Variants in TANK observed in about 807,000 individuals in gnomAD.
TANK encodes TRAF family member-associated NF-kappa-B activator.
Under a neutral mutation model 43.6 loss-of-function variants are expected in TANK, and 15 were observed. The ratio of observed to expected loss-of-function variants is 0.34; its 90% confidence interval spans 0.23 to 0.53. The LOEUF (loss-of-function observed/expected upper bound fraction) is 0.53, where lower values mean the gene tolerates loss of function less well. Ranked by LOEUF, TANK falls within the 20% of genes least tolerant of loss-of-function variation. TANK has a pLI of 0.94. For missense variants in TANK, 417 were observed against 498.6 expected, an observed-to-expected ratio of 0.84 and a Z score of 1.56; for synonymous variants, 162 against 178.2, an observed-to-expected ratio of 0.91 and a Z score of 0.73.
intron 1 of TANK, among the ~76,000 whole-genome samples, chr2:161,169,901 G>A (rs1035185767): frequency 6.6e-6 from 1 of 152,122 alleles, no homozygotes; most frequent in African/African-American, 2.4e-5. Flanking sequence ...CTTCTGCAGA[G>A]GGAAGATTAA....
At chr2:161,153,356 A>G (rs1472606699) in intron 1 of TANK, among the ~76,000 whole-genome samples, 1 of 152,042 alleles carries the variant, frequency 6.6e-6, no homozygotes. Flanking sequence ...GAACTTTTAA[A>G]GACATTTTAA....
At chr2:161,212,322 T>C in intron 4 of TANK, 1 of 945,328 alleles carries the variant, frequency 1.1e-6, no homozygotes, top group Non-Finnish European at 1.3e-6. Flanking sequence ...CGGCCTCCCA[T>C]AGTGCTAGGA....
At chr2:161,221,935 C>T (rs919548511) in intron 4 of TANK, among the ~76,000 whole-genome samples, 1 of 152,082 alleles carries the variant, frequency 6.6e-6, no homozygotes, top group African/African-American at 2.4e-5. Flanking sequence ...TTAAGGAGTC[C>T]TCCTTTACCT....
At chr2:161,226,210 T>C (rs1200979917) in intron 6 of TANK, among the ~76,000 whole-genome samples, 1 of 152,178 alleles carries the variant, frequency 6.6e-6, no homozygotes, top group Non-Finnish European at 1.5e-5. Context: ...ATTTTTAAAT[T>C]GCACAGGTCT....
At chr2:161,212,413 T>G in intron 4 of TANK, 4 of 984,356 alleles carry the variant, frequency 4.1e-6, no homozygotes, top group Non-Finnish European at 4.8e-6. Context: ...ATTTTAATAA[T>G]TACATTGAAA....
chr2:161,195,625 G>T (rs1373252999), intron 2 of TANK, among the ~76,000 whole-genome samples: 1 of 152,046 alleles, frequency 6.6e-6, no homozygotes. Context: ...GCCATTTAAG[G>T]TTTTTTGGGG....
chr2:161,141,136 T>C (rs1683735258), intron 1 of TANK, among the ~76,000 whole-genome samples: 1 of 152,156 alleles, frequency 6.6e-6, no homozygotes, highest in South Asian at 2.1e-4. Flanking sequence ...CTGACAATGT[T>C]GTGTAAGCAC....
intron 1 of TANK, among the ~76,000 whole-genome samples, chr2:161,165,040 T>A (rs1684613108): frequency 1.5e-4 from 1 of 6,480 alleles, no homozygotes; most frequent in East Asian, 0.045. Flanking sequence ...ACACCAATAC[T>A]TTTTTTTTTT....
intron 4 of TANK, among the ~76,000 whole-genome samples, chr2:161,213,375 G>A (rs1431708592): frequency 6.6e-6 from 1 of 152,096 alleles, no homozygotes; most frequent in Non-Finnish European, 1.5e-5. Context: ...GGCCAAGGTG[G>A]GTGGATCACT....
intron 1 of TANK, among the ~76,000 whole-genome samples, chr2:161,154,682 T>C (rs1441214328): frequency 2.0e-5 from 3 of 152,178 alleles, no homozygotes; most frequent in Non-Finnish European, 4.4e-5. Context: ...GATATTTAAA[T>C]CTTTATTATG....
intron 2 of TANK, among the ~76,000 whole-genome samples, chr2:161,189,134 TC>T (rs1459358867): frequency 6.6e-6 from 1 of 152,152 alleles, no homozygotes; most frequent in African/African-American, 2.4e-5. Context: ...CAAAAAATCC[TC>T]AACAAAACAC....
intron 1 of TANK, among the ~76,000 whole-genome samples, chr2:161,140,392 A>T (rs1161064702): frequency 1.3e-5 from 2 of 152,104 alleles, no homozygotes; most frequent in African/African-American, 2.4e-5. Flanking sequence ...ATTGGCATAC[A>T]TGGTATTCCC....
chr2:161,218,516 T>C (rs557236483), intron 4 of TANK, among the ~76,000 whole-genome samples: 68 of 152,250 alleles, frequency 4.5e-4, no homozygotes, highest in African/African-American at 1.3e-3. Flanking sequence ...AAAATCATAA[T>C]TAAATACGTA....
intron 4 of TANK, chr2:161,212,058 A>T: frequency 1.2e-6 from 1 of 815,038 alleles, no homozygotes; most frequent in South Asian, 5.7e-5. Flanking sequence ...GTCATAATAC[A>T]TAAACTTTTT....
chr2:161,185,541 CAGAG>C (rs1416813118), intron 2 of TANK, among the ~76,000 whole-genome samples: 1 of 149,614 alleles, frequency 6.7e-6, no homozygotes, highest in Non-Finnish European at 1.5e-5. Context: ...TATAACATAG[CAGAG>C]AGAGAGGAGA....
intron 1 of TANK, among the ~76,000 whole-genome samples, chr2:161,154,737 T>A (rs1046407885): frequency 1.3e-5 from 2 of 152,068 alleles, no homozygotes; most frequent in African/African-American, 4.8e-5. Context: ...ACATAAAAAT[T>A]AAGCATACAC....
At chr2:161,145,920 C>T (rs1195039664) in intron 1 of TANK, among the ~76,000 whole-genome samples, 2 of 152,084 alleles carry the variant, frequency 1.3e-5, no homozygotes, top group Non-Finnish European at 2.9e-5. Context: ...AGTGTGTTTT[C>T]CAACTTGGTT....
chr2:161,188,057 G>T (rs990310616), intron 2 of TANK, among the ~76,000 whole-genome samples: 3 of 152,144 alleles, frequency 2.0e-5, no homozygotes, highest in Non-Finnish European at 4.4e-5. Flanking sequence ...TGCAGTAAAA[G>T]CAGTGAATAG....
intron 1 of TANK, among the ~76,000 whole-genome samples, chr2:161,141,134 G>C (rs1286495674): frequency 2.6e-5 from 4 of 152,080 alleles, no homozygotes; most frequent in Non-Finnish European, 5.9e-5. Context: ...CACTGACAAT[G>C]TTGTGTAAGC....
Sources: gnomAD v4.1 joint callset for allele counts (sites outside exome capture counted in the v4.1 genomes callset) on GRCh38, gnomAD v4.1.1 for gene constraint, MANE v1.5 for transcripts, NCBI Gene and HGNC (gene_info 2026-07-23, HGNC 2026-07-21) for gene names.